SAFB2: variants seen among roughly 807,000 people sequenced by gnomAD.
SAFB2 encodes the protein scaffold attachment factor B2.
In SAFB2, 32 loss-of-function variants were observed where a neutral mutation model predicts 100.6. The observed-to-expected ratio is 0.32, with a 90% CI of 0.24 to 0.43. SAFB2 has a LOEUF of 0.43. Among genes scored for constraint, SAFB2 ranks in the 20% least tolerant of loss-of-function variants. The pLI, the probability that SAFB2 is intolerant of heterozygous loss-of-function variation, is 1.00. For missense variants in SAFB2, 1,185 were observed against 1,163.4 expected (o/e 1.02, Z -0.27); for synonymous variants, 500 against 439.4 (o/e 1.14, Z -1.72).
In SAFB2 at chr19:5,598,844, C is replaced by A. The variant is rs552698976; in HGVS notation, c.1731G>T (p.Ser577=). The A allele has an allele frequency of 1.2e-5, 20 of 1,614,154 alleles. No individual in the cohort carries two copies. The African/African-American group carries it at 1.7e-4, about 14-fold the overall frequency. ...GMERTVVMDK[S]KGEPVISVKT... ...TCACGCTAATGACGGGCTCTCCTTT[C>A]GATTTATCCATCACGACCGTCCGCT... The change falls in exon 13 of 21, where the codon TCG becomes TCT. Residue 577 remains serine (S), a synonymous_variant. Transcript: ENST00000252542.
At chr19:5,593,272 C>CT (rs1269741654) in intron 15 of SAFB2, among the ~76,000 whole-genome samples, 1 of 152,202 alleles carries the variant, frequency 6.6e-6, no homozygotes, top group African/African-American at 2.4e-5. Flanking sequence ...GAATCTCCCT[C>CT]TGAGTTTCTT....
intron 2 of SAFB2, among the ~76,000 whole-genome samples, chr19:5,619,848 A>G (rs1392600146): frequency 1.3e-5 from 2 of 150,844 alleles, no homozygotes; most frequent in African/African-American, 2.4e-5. Flanking sequence ...TCCATCGCAA[A>G]AAAAAAAAAA....
intron 4 of SAFB2, among the ~76,000 whole-genome samples, chr19:5,615,918 T>C (rs1196222640): frequency 6.6e-6 from 1 of 152,210 alleles, no homozygotes; most frequent in East Asian, 1.9e-4. Context: ...ATGCTTCGAA[T>C]TATAAAAACA....
Position 5,590,328 on chromosome 19 carries a change from G to A in SAFB2, c.2475C>T (p.Tyr825=), listed in dbSNP as rs748403894. Residue 825 remains tyrosine (Y), a synonymous_variant, in exon 18 of 21, where the codon TAC becomes TAT. Coordinates refer to ENST00000252542, the MANE Select transcript of SAFB2 (RefSeq NM_014649.3). ...CTTCACTCAGCCTCTTGTCGGAGCC[G>A]TAGCCCCCCCAGCCATCACGGGAGT... The part of the protein sequence containing the change: ...GRDSRDGWGG[Y]GSDKRLSEGR... The A allele has an allele frequency of 1.3e-5, 21 of 1,608,928 alleles. No individual in the cohort carries two copies. In the East Asian group the frequency reaches 1.8e-4, roughly 14 times the overall value.
chr19:5,593,753 G>T (rs1178737313), intron 15 of SAFB2, 138 bp downstream of exon 15: 4 of 937,036 alleles, frequency 4.3e-6, no homozygotes, highest in African/African-American at 3.5e-5. Flanking sequence ...TCGGCGGGGG[G>T]TCCCCAAGGC....
At chr19:5,610,449 A>G in intron 8 of SAFB2, 190 bp downstream of exon 8, 1 of 617,870 alleles carries the variant, frequency 1.6e-6, no homozygotes, top group East Asian at 2.8e-5. Flanking sequence ...GATGACAACC[A>G]CAAGAGAAAC....
intron 2 of SAFB2, among the ~76,000 whole-genome samples, chr19:5,618,036 G>A (rs2053068726): frequency 1.3e-5 from 2 of 152,070 alleles, no homozygotes; most frequent in South Asian, 2.1e-4. Flanking sequence ...CTGAATTACC[G>A]GTGAGAATGA....
intron 13 of SAFB2, among the ~76,000 whole-genome samples, chr19:5,597,547 C>CT (rs1568212608): frequency 6.6e-6 from 1 of 152,206 alleles, no homozygotes; most frequent in East Asian, 1.9e-4. Flanking sequence ...AGCACATCCT[C>CT]TGTCTGTGGT....
Position 5,590,423 on chromosome 19 carries a change from AG to A in SAFB2, c.2395-16del. 1 of 1,600,948 alleles carries A rather than the reference AG, an allele frequency of 6.2e-7. No individual in the cohort carries two copies. Among genetic ancestry groups the A allele is most frequent in the South Asian group, 1.1e-5 (1 of 89,358 alleles). On this transcript the variant is annotated splice_polypyrimidine_tract_variant and intron_variant, in intron 17 of 20. Transcript: ENST00000252542. ...TCTCCATAGTGCTGGAAGGCAGGAG[AG>A]GAACAGGGTGACACTGACCATGTCA...
At chr19:5,592,664 C>A in intron 16 of SAFB2, 83 bp downstream of exon 16, 4 of 1,518,234 alleles carry the variant, frequency 2.6e-6, no homozygotes, top group Non-Finnish European at 3.6e-6. Context: ...ACAGGAACCC[C>A]TGCACTGGGC....
intron 17 of SAFB2, 32 bp from the exon 18 acceptor site, chr19:5,590,440 G>T: frequency 1.3e-6 from 2 of 1,569,190 alleles, no homozygotes; most frequent in South Asian, 2.3e-5. Flanking sequence ...GGGTGACACT[G>T]ACCATGTCAC....
At chr19:5,590,746 A>G (rs939040423) in intron 17 of SAFB2, among the ~76,000 whole-genome samples, 4 of 151,894 alleles carry the variant, frequency 2.6e-5, no homozygotes, top group East Asian at 1.9e-4. Context: ...CTCCTTTCCG[A>G]TAACAGGAGG....
chr19:5,606,282 C>A (rs2052772723), intron 9 of SAFB2, among the ~76,000 whole-genome samples: 1 of 152,202 alleles, frequency 6.6e-6, no homozygotes, highest in African/African-American at 2.4e-5. Context: ...TGTAGAGATA[C>A]AAGTATAACT....
chr19:5,589,265 C>T (rs971778354), intron 18 of SAFB2, among the ~76,000 whole-genome samples: 1 of 152,214 alleles, frequency 6.6e-6, no homozygotes, highest in Non-Finnish European at 1.5e-5. Context: ...GACAGGAATG[C>T]TAATGAAGTC....
At chr19:5,600,103 C>G in intron 12 of SAFB2, 27 bp downstream of exon 12, 1 of 1,602,100 alleles carries the variant, frequency 6.2e-7, no homozygotes, top group Admixed American at 1.8e-5. Flanking sequence ...CCTTCCCCTT[C>G]CACAGCTCTT....
intron 2 of SAFB2, among the ~76,000 whole-genome samples, chr19:5,620,858 T>C (rs2053125571): frequency 6.6e-6 from 1 of 152,062 alleles, no homozygotes; most frequent in Non-Finnish European, 1.5e-5. Flanking sequence ...ACCGTAATAG[T>C]AAAAAATAGG....
rs554056476 is a variant in SAFB2, at chr19:5,618,260, G to A, written c.275-1774C>T. On this transcript the variant is annotated intron_variant, in intron 2 of 20. Transcript: ENST00000252542. The stretch of plus-strand genomic sequence containing the variant: ...GCCTGTAGTCTCAGCTACTCGGGAG[G>A]CTGAGGCAGGAGAATGGCCTGAAGC... Among the ~76,000 whole-genome samples the A allele has an allele frequency of 8.5e-5, 13 of 152,364 alleles. No individual in the cohort carries two copies. In the East Asian group the frequency reaches 2.5e-3, roughly 29 times the overall value.
At chr19:5,609,300 C>CT (rs751534976) in intron 9 of SAFB2, among the ~76,000 whole-genome samples, 7,312 of 118,878 alleles carry the variant, frequency 0.062, 274 homozygotes, top group South Asian at 0.099. Context: ...TCACTTCATT[C>CT]TTTTTTTTTT....
chr19:5,589,317 C>A (rs2052336545), intron 18 of SAFB2, among the ~76,000 whole-genome samples: 1 of 152,214 alleles, frequency 6.6e-6, no homozygotes, highest in African/African-American at 2.4e-5. Flanking sequence ...CAGAGCACTG[C>A]CACCGTCTGT....
Sources: gnomAD v4.1 joint callset for allele counts (sites outside exome capture counted in the v4.1 genomes callset) on GRCh38, gnomAD v4.1.1 for gene constraint, MANE v1.5 for transcripts, NCBI Gene and HGNC (gene_info 2026-07-23, HGNC 2026-07-21) for gene names.